NWD1: variants seen among roughly 807,000 people sequenced by gnomAD.
The protein encoded by NWD1 is NACHT domain- and WD repeat-containing protein 1.
A neutral mutation model predicts 135.1 loss-of-function variants in NWD1; 129 were observed. The observed-to-expected ratio is 0.96, with a 90% CI of 0.83 to 1.11. NWD1 has a LOEUF of 1.11. Ranked by LOEUF, NWD1 falls within the 50% of genes least tolerant of loss-of-function variation. The pLI, the probability that NWD1 is intolerant of heterozygous loss-of-function variation, is 0.00. For missense variants in NWD1, 1,740 were observed against 1,851.3 expected, an observed-to-expected ratio of 0.94 and a Z score of 1.10; for synonymous variants, 773 against 786.0, an observed-to-expected ratio of 0.98 and a Z score of 0.28.
chr19:16,735,378 C>T (rs960441374), intron 3 of NWD1, among the ~76,000 whole-genome samples: 6 of 151,198 alleles, frequency 4.0e-5, no homozygotes, highest in Admixed American at 1.3e-4. Context: ...TGGTGGTGCA[C>T]GCCTGTAATC....
chr19:16,747,103 C>A (rs1317030560), intron 5 of NWD1, among the ~76,000 whole-genome samples: 1 of 146,102 alleles, frequency 6.8e-6, no homozygotes, highest in Non-Finnish European at 1.5e-5. Flanking sequence ...GTGGTGCGAT[C>A]TCAGCTCACT....
At chr19:16,727,257 C>G (rs1016980976) in intron 2 of NWD1, 8 of 152,384 alleles carry the variant, frequency 5.2e-5, no homozygotes, top group Non-Finnish European at 1.2e-4. Flanking sequence ...GAAGAGGACT[C>G]CCGTGCCTAG....
At chr19:16,729,577 T>TA (rs537329853) in intron 2 of NWD1, among the ~76,000 whole-genome samples, 1,527 of 125,020 alleles carry the variant, frequency 0.012, 23 homozygotes, top group Admixed American at 0.03. Flanking sequence ...TTACAAAAAG[T>TA]AAAAAAAAAA....
intron 7 of NWD1, among the ~76,000 whole-genome samples, chr19:16,761,483 C>T (rs1264478508): frequency 6.6e-6 from 1 of 152,076 alleles, no homozygotes; most frequent in Non-Finnish European, 1.5e-5. Context: ...AGTGATTCTC[C>T]TGCCTCAGCC....
intron 6 of NWD1, among the ~76,000 whole-genome samples, chr19:16,754,889 T>G (rs1349185141): frequency 6.6e-6 from 1 of 152,176 alleles, no homozygotes; most frequent in African/African-American, 2.4e-5. Context: ...CATCCACCCA[T>G]CCGTCATATC....
chr19:16,722,325 G>A (rs150212331), intron 1 of NWD1, among the ~76,000 whole-genome samples: 193 of 150,062 alleles, frequency 1.3e-3, no homozygotes, highest in African/African-American at 4.5e-3. Context: ...GTCTTGCTCT[G>A]TCACCCAGGA....
At chr19:16,764,509 G>GTCCA (rs564689012) in intron 9 of NWD1, among the ~76,000 whole-genome samples, 47 of 150,278 alleles carry the variant, frequency 3.1e-4, no homozygotes, top group Non-Finnish European at 5.3e-4. Flanking sequence ...CCTTCTGTCT[G>GTCCA]TCCATCCATC....
Position 16,800,089 on chromosome 19 carries a change from C to A in NWD1, c.3663C>A (p.Ser1221=). The A allele has an allele frequency of 6.2e-7, 1 of 1,614,052 alleles. No individual in the cohort carries two copies. The highest frequency in any genetic ancestry group is 1.6e-4 in the Middle Eastern group (1 of 6,062). ...FLDRTGLTAV[S]HNGSYVYFPK... is the part of the protein sequence containing the mutation. ...ACCGCACCGGCCTCACCGCAGTGTC[C>A]CACAATGGAAGCTACGTCTACTTCC... is the stretch of plus-strand genomic sequence containing the variant. Residue 1221 remains serine (S), a synonymous_variant, in exon 17 of 19, where the codon TCC becomes TCA. Coordinates refer to ENST00000524140, the MANE Select transcript of NWD1 (RefSeq NM_001007525.5).
In NWD1 at chr19:16,815,392, C is replaced by T; in HGVS notation, c.*353C>T. 1 of 640,328 alleles carries T rather than the reference C, an allele frequency of 1.6e-6. No individual in the cohort carries two copies. The highest frequency in any genetic ancestry group is 2.8e-6 in the Non-Finnish European group (1 of 357,274). 39.7% of individuals were successfully genotyped at this position (640,328 alleles called of 1,614,324 possible). ...CTCCAGTGAGTTAGCCCCATTTAAT[C>T]TAGTTAAAGCAAAAAGAATACGTTT... On this transcript the variant is annotated 3_prime_UTR_variant, in exon 19 of 19. Coordinates refer to ENST00000524140, the MANE Select transcript of NWD1 (RefSeq NM_001007525.5).
At chr19:16,727,832 G>A (rs1019871662) in intron 2 of NWD1, among the ~76,000 whole-genome samples, 5 of 152,058 alleles carry the variant, frequency 3.3e-5, no homozygotes, top group African/African-American at 4.8e-5. Flanking sequence ...AGGCTGAGGC[G>A]GGTGGATCAC....
intron 3 of NWD1, among the ~76,000 whole-genome samples, chr19:16,736,325 G>C (rs946165121): frequency 1.3e-5 from 2 of 151,724 alleles, no homozygotes; most frequent in African/African-American, 4.8e-5. Context: ...TGCCTTGTGG[G>C]CTCAATTGAT....
intron 5 of NWD1, among the ~76,000 whole-genome samples, chr19:16,747,767 C>G (rs1968386345): frequency 6.6e-6 from 1 of 152,138 alleles, no homozygotes; most frequent in Non-Finnish European, 1.5e-5. Flanking sequence ...TGCTTTCTGT[C>G]TCTATTAATT....
At chr19:16,792,170 G>A (rs1199282354) in intron 14 of NWD1, among the ~76,000 whole-genome samples, 7 of 152,162 alleles carry the variant, frequency 4.6e-5, no homozygotes, top group Non-Finnish European at 5.9e-5. Flanking sequence ...TGAGAGTTGC[G>A]CCACAGAGGG....
chr19:16,744,794 C>CA (rs1237109798), intron 5 of NWD1, 76 bp downstream of exon 5: 2 of 1,253,884 alleles, frequency 1.6e-6, no homozygotes, highest in Admixed American at 2.0e-5. Context: ...CCCCTGTTGG[C>CA]AAAAATGCAA....
chr19:16,814,922 G>A (rs1393454976), intron 18 of NWD1, 106 bp from the exon 19 acceptor site: 1 of 917,368 alleles, frequency 1.1e-6, no homozygotes, highest in Non-Finnish European at 1.7e-6. Context: ...AAAATTAGTA[G>A]AGGGCATAGC....
intron 6 of NWD1, among the ~76,000 whole-genome samples, chr19:16,751,026 A>G (rs1421301200): frequency 6.6e-6 from 1 of 151,820 alleles, no homozygotes; most frequent in Non-Finnish European, 1.5e-5. Context: ...GTTGGAGACC[A>G]GCCTGACAAA....
Position 16,815,628 on chromosome 19 carries a change from C to G in NWD1, c.*589C>G. The G allele has an allele frequency of 3.0e-6, 1 of 335,296 alleles. No individual in the cohort carries two copies. Among genetic ancestry groups the G allele is most frequent in the Non-Finnish European group, 5.5e-6 (1 of 181,882 alleles). 20.8% of individuals were successfully genotyped at this position (335,296 alleles called of 1,614,324 possible). ...AGTCCTAGCCTCAACTCTACTGGTC[C>G]CAATTGGCCCATACGCCTAGCCCTA... On this transcript the variant is annotated 3_prime_UTR_variant, in exon 19 of 19. Transcript: ENST00000524140.
intron 1 of NWD1, among the ~76,000 whole-genome samples, chr19:16,722,226 G>A (rs1967164117): frequency 6.6e-6 from 1 of 151,776 alleles, no homozygotes; most frequent in Non-Finnish European, 1.5e-5. Context: ...TTGAGGACAG[G>A]AGATGGAGGC....
chr19:16,814,001 A>G (rs1277884235), intron 18 of NWD1, among the ~76,000 whole-genome samples: 1 of 151,964 alleles, frequency 6.6e-6, no homozygotes, highest in Non-Finnish European at 1.5e-5. Context: ...AAAAAAAAAA[A>G]TTAAAAATTA....
Sources: allele counts gnomAD v4.1 joint callset (sites outside exome capture counted in the v4.1 genomes callset), GRCh38; gene constraint gnomAD v4.1.1; transcripts MANE v1.5; gene names NCBI Gene and HGNC (gene_info 2026-07-23, HGNC 2026-07-21).